Variants in VAV1 observed in about 807,000 individuals in gnomAD.
The protein encoded by VAV1 is proto-oncogene vav.
VAV1 carries 33 observed loss-of-function variants against 128.1 expected under a neutral mutation model. The ratio of observed to expected loss-of-function variants is 0.26; its 90% CI spans 0.20 to 0.34. The LOEUF (loss-of-function observed/expected upper bound fraction) is 0.34, where lower values mean the gene tolerates loss of function less well. VAV1 is among the 10% of genes least tolerant of loss of function. VAV1 has a pLI of 1.00. For missense variants in VAV1, 715 were observed against 1,093.7 expected, an observed-to-expected ratio of 0.65 and a Z score of 4.88; for synonymous variants, 394 against 409.8, an observed-to-expected ratio of 0.96 and a Z score of 0.47.
At position 6,822,156 on chromosome 19, in the gene VAV1, G is replaced by A. The variant is rs562276180; in HGVS notation, c.450-65G>A. The A allele has an allele frequency of 4.8e-5, 71 of 1,476,582 alleles. 1 individual carries two copies. The South Asian group carries it at 8.5e-4, about 18-fold the overall frequency. The allele number at this position is 1,476,582 out of a possible 1,614,324, so 91.5% of individuals were successfully genotyped here. A position where few individuals can be genotyped will look rare whatever the true frequency, so the allele number is the denominator to read the frequency against. ...TTGGGGGGACAAAGCCCTGCGCTGG[G>A]GTCTGCGGGGACCCTGCTGTGATCT... On this transcript the variant is annotated intron_variant, in intron 4 of 26. Coordinates refer to ENST00000602142, the MANE Select transcript of VAV1 (RefSeq NM_005428.4). The surrounding 1 kb of genome is among the most constrained non-coding windows in gnomAD (Gnocchi z 5.9).
chr19:6,853,568 A>T (rs997372292), intron 25 of VAV1, among the ~76,000 whole-genome samples: 1 of 151,770 alleles, frequency 6.6e-6, no homozygotes, highest in Non-Finnish European at 1.5e-5. Context: ...TACTAAAAAA[A>T]AAAAACATAA....
chr19:6,792,107 T>TTTGGGAGG (rs1320158810), intron 1 of VAV1, among the ~76,000 whole-genome samples: 1 of 151,986 alleles, frequency 6.6e-6, no homozygotes, highest in Admixed American at 6.6e-5. Context: ...ATCCCAGTGT[T>TTTGGGAGG]TTGGGAGGTT....
At chr19:6,804,750 G>C (rs1971351298) in intron 1 of VAV1, among the ~76,000 whole-genome samples, 1 of 145,982 alleles carries the variant, frequency 6.9e-6, no homozygotes, top group South Asian at 2.2e-4. Context: ...TTGAGACGGA[G>C]TCTTGCTCTG....
intron 1 of VAV1, among the ~76,000 whole-genome samples, chr19:6,775,683 G>T (rs948420565): frequency 1.3e-5 from 2 of 152,114 alleles, no homozygotes; most frequent in Non-Finnish European, 2.9e-5. Context: ...CCGTGTGTCT[G>T]GTATGTAGTG....
intron 1 of VAV1, among the ~76,000 whole-genome samples, chr19:6,779,311 C>T (rs1489339547): frequency 6.6e-6 from 1 of 150,422 alleles, no homozygotes; most frequent in Non-Finnish European, 1.5e-5. Context: ...CCTTGGCTTT[C>T]CAAAGTGCTG....
At chr19:6,836,359 T>C (rs1360996548) in intron 19 of VAV1, 73 bp from the exon 20 acceptor site, 1 of 1,540,966 alleles carries the variant, frequency 6.5e-7, no homozygotes, top group African/African-American at 1.4e-5. Flanking sequence ...TTTTAGCCAT[T>C]CTCGTGGGTG....
rs1449374448 is a variant in VAV1 at position 6,826,534 on chromosome 19, A to G, written c.828-78A>G. The stretch of plus-strand genomic sequence containing the variant: ...GGTTTCTTCTCCAGCGGGGAAGAGC[A>G]AGGCCAGGGCTGACGCCAGCCTCTG... On this transcript the variant is annotated intron_variant, in intron 8 of 26. Transcript: ENST00000602142. This position sits in a 1 kb window ranked among gnomAD's most constrained non-coding sequence, Gnocchi z 4.1. 1 of 1,123,666 alleles carries G rather than the reference A, an allele frequency of 8.9e-7. No homozygotes were observed. The highest frequency in any genetic ancestry group is 1.3e-6 in the Non-Finnish European group (1 of 765,112). 69.6% of individuals were successfully genotyped at this position (1,123,666 alleles called of 1,614,324 possible). A position where few individuals can be genotyped will look rare whatever the true frequency, so the allele number is the denominator to read the frequency against.
intron 1 of VAV1, among the ~76,000 whole-genome samples, chr19:6,774,196 C>T (rs1401149870): frequency 1.3e-5 from 2 of 152,034 alleles, no homozygotes; most frequent in South Asian, 2.1e-4. Context: ...GGCACCATCT[C>T]GGCTCATTGC....
Position 6,833,616 on chromosome 19 carries a change from C to T in VAV1, c.1699C>T (p.His567Tyr). 1 of 1,613,874 alleles carries T rather than the reference C, an allele frequency of 6.2e-7. No individual in the cohort carries two copies. The highest frequency in any genetic ancestry group is 8.5e-7 in the Non-Finnish European group (1 of 1,179,854). The change falls in exon 17 of 27, where the codon CAT becomes TAT. Residue 567 changes from histidine (H) to tyrosine (Y), a missense_variant. Coordinates refer to ENST00000602142, the MANE Select transcript of VAV1 (RefSeq NM_005428.4). ...CLGRVPPCGR[H>Y]GQDFPGTMKK... ...GGGGAGGGTCCCTCCATGTGGCCGA[C>T]ATGGGCAAGGTACGAGTGGGAGGGA...
intron 15 of VAV1, 49 bp downstream of exon 15, chr19:6,832,249 T>TGGGAA (rs770796277): frequency 6.3e-7 from 1 of 1,582,400 alleles, no homozygotes; most frequent in Non-Finnish European, 8.7e-7. Flanking sequence ...GGGCAGGGGC[T>TGGGAA]GGGAAGGAGG....
At chr19:6,853,708 G>C (rs1434802542) in intron 25 of VAV1, among the ~76,000 whole-genome samples, 1 of 151,864 alleles carries the variant, frequency 6.6e-6, no homozygotes, top group South Asian at 2.1e-4. Flanking sequence ...TCCAGTCTGG[G>C]TGACAGAGAG....
intron 15 of VAV1, 51 bp from the exon 16 acceptor site, chr19:6,833,133 G>A (rs367973362): frequency 1.1e-5 from 16 of 1,495,494 alleles, no homozygotes; most frequent in African/African-American, 1.4e-5. Flanking sequence ...CCATAAAAAG[G>A]AATAAAATAC....
chr19:6,850,371 T>G (rs925049490), intron 23 of VAV1, among the ~76,000 whole-genome samples: 2 of 149,998 alleles, frequency 1.3e-5, no homozygotes, highest in African/African-American at 4.9e-5. Context: ...GTTGTCTATA[T>G]TGGTGGAAGG....
At chr19:6,785,306 G>A (rs369740531) in intron 1 of VAV1, among the ~76,000 whole-genome samples, 24 of 152,120 alleles carry the variant, frequency 1.6e-4, no homozygotes, top group African/African-American at 5.5e-4. Flanking sequence ...CAAAGTGCTC[G>A]GATACAGACA....
intron 1 of VAV1, among the ~76,000 whole-genome samples, chr19:6,798,665 C>A (rs1005262864): frequency 6.6e-6 from 1 of 151,430 alleles, no homozygotes; most frequent in Non-Finnish European, 1.5e-5. Context: ...CCCTTCCCCC[C>A]CCCACCCAAA....
intron 1 of VAV1, among the ~76,000 whole-genome samples, chr19:6,816,136 C>T (rs2144759042): frequency 6.6e-6 from 1 of 151,830 alleles, no homozygotes; most frequent in Non-Finnish European, 1.5e-5. Context: ...TCTCCTGCCT[C>T]AGCCTCCCGA....
chr19:6,781,158 C>T (rs1045140213), intron 1 of VAV1, among the ~76,000 whole-genome samples: 2 of 152,186 alleles, frequency 1.3e-5, no homozygotes, highest in Admixed American at 1.3e-4. Context: ...CCACCTCGGC[C>T]TCCCAAAGTG....
chr19:6,783,078 G>T (rs532849723), intron 1 of VAV1, among the ~76,000 whole-genome samples: 1 of 152,276 alleles, frequency 6.6e-6, no homozygotes, highest in South Asian at 2.1e-4. Flanking sequence ...TACTCAGGAG[G>T]CTGAGGCAGG....
chr19:6,847,986 G>T lies in VAV1; in HGVS notation c.2013-12G>T. ...GGACCGTGCCACCTCTGTCCTTGGT[G>T]TCTCTTTGCAGGTACGCAGGCCCCA... On this transcript the variant is annotated splice_polypyrimidine_tract_variant and intron_variant, in intron 22 of 26. Transcript: ENST00000602142. The T allele has an allele frequency of 1.3e-6, 2 of 1,494,170 alleles. No individual in the cohort carries two copies. The highest frequency in any genetic ancestry group is 8.9e-7 in the Non-Finnish European group (1 of 1,126,862). 92.6% of individuals were successfully genotyped at this position (1,494,170 alleles called of 1,614,324 possible).
Sources: allele counts gnomAD v4.1 joint callset (sites outside exome capture counted in the v4.1 genomes callset), GRCh38; gene constraint gnomAD v4.1.1; non-coding constraint Gnocchi (gnomAD v3.1); transcripts MANE v1.5; gene names NCBI Gene and HGNC (gene_info 2026-07-23, HGNC 2026-07-21).